The following DCHS2 variants were observed in gnomAD, a reference collection of about 807,000 sequenced individuals.
DCHS2 encodes protocadherin-23.
Under a neutral mutation model 182.4 loss-of-function variants are expected in DCHS2, and 142 were observed. The observed-to-expected ratio is 0.78, with a 90% CI of 0.68 to 0.89. The LOEUF (loss-of-function observed/expected upper bound fraction) is 0.89. Ranked by LOEUF, DCHS2 falls within the 40% of genes least tolerant of loss-of-function variation. The pLI is 0.00. For missense variants in DCHS2, 4,319 were observed against 4,198.6 expected (o/e 1.03, Z -0.79); for synonymous variants, 1,740 against 1,663.3 (o/e 1.05, Z -1.12).
At chr4:154,473,608 G>A (rs747503667) in intron 1 of DCHS2, among the ~76,000 whole-genome samples, 1 of 152,094 alleles carries the variant, frequency 6.6e-6, no homozygotes, top group African/African-American at 2.4e-5. Context: ...TGACCCTTCC[G>A]GGATGAAGAT....
intron 1 of DCHS2, among the ~76,000 whole-genome samples, chr4:154,439,301 T>C (rs1733902019): frequency 6.6e-6 from 1 of 152,148 alleles, no homozygotes; most frequent in South Asian, 2.1e-4. Context: ...TTTTAAGAAA[T>C]TGAAAGCTAC....
At chr4:154,353,660 T>A (rs1182212661) in intron 3 of DCHS2, among the ~76,000 whole-genome samples, 1 of 152,204 alleles carries the variant, frequency 6.6e-6, no homozygotes, top group African/African-American at 2.4e-5. Flanking sequence ...TCCCTTGGAC[T>A]TTTCCAGTGG....
chr4:154,478,545 G>T (rs1374695974), intron 1 of DCHS2, among the ~76,000 whole-genome samples: 1 of 152,138 alleles, frequency 6.6e-6, no homozygotes, highest in Non-Finnish European at 1.5e-5. Flanking sequence ...ACCATGCAGG[G>T]TGGTTAGAGT....
At chr4:154,278,940 T>A (rs947095193) in intron 13 of DCHS2, among the ~76,000 whole-genome samples, 1 of 152,020 alleles carries the variant, frequency 6.6e-6, no homozygotes, top group Non-Finnish European at 1.5e-5. Context: ...CACAAAAAAA[T>A]ATATACAGCA....
At chr4:154,237,265 G>A in intron 19 of DCHS2, 106 bp from the exon 20 acceptor site, 1 of 1,383,872 alleles carries the variant, frequency 7.2e-7, no homozygotes. Context: ...TTAATTCTTT[G>A]TTAGATCTGT....
chr4:154,485,752 A>G (rs1728559642), intron 1 of DCHS2, among the ~76,000 whole-genome samples: 1 of 152,254 alleles, frequency 6.6e-6, no homozygotes, highest in South Asian at 2.1e-4. Flanking sequence ...GGAGTATGAA[A>G]GAATACTCTT....
At position 154,322,402 on chromosome 4, in the gene DCHS2, A is replaced by G; in HGVS notation, c.4105T>C (p.Tyr1369His). ...TILSYDYRPS[Y>H]RMSVIATDQG... The stretch of plus-strand genomic sequence containing the variant: ...TCAGTGGCAATGACACTCATTCTGT[A>G]GGAAGGTCTATAATCATACGAAAGT... Residue 1369 changes from tyrosine to histidine, a missense_variant, in exon 8 of 20, where the codon TAC becomes CAC. Coordinates refer to ENST00000357232, the MANE Select transcript of DCHS2 (RefSeq NM_001358235.2). The G allele has an allele frequency of 6.2e-7, 1 of 1,613,802 alleles. No homozygotes were observed. The highest frequency in any genetic ancestry group is 8.5e-7 in the Non-Finnish European group (1 of 1,179,828).
At chr4:154,374,597 A>G (rs1730800947) in intron 2 of DCHS2, among the ~76,000 whole-genome samples, 1 of 152,204 alleles carries the variant, frequency 6.6e-6, no homozygotes, top group Non-Finnish European at 1.5e-5. Context: ...CTAACCAAAC[A>G]GATCATGAAT....
At chr4:154,291,595 A>T (rs992238487) in intron 13 of DCHS2, among the ~76,000 whole-genome samples, 4 of 152,180 alleles carry the variant, frequency 2.6e-5, no homozygotes, top group African/African-American at 9.7e-5. Flanking sequence ...CATATACACA[A>T]TAGAGTAGCA....
intron 3 of DCHS2, among the ~76,000 whole-genome samples, chr4:154,341,589 T>C (rs1446238070): frequency 2.7e-5 from 2 of 74,694 alleles, no homozygotes; most frequent in African/African-American, 5.8e-5. Flanking sequence ...TACATTCATA[T>C]ATATACACAT....
intron 7 of DCHS2, among the ~76,000 whole-genome samples, chr4:154,326,185 C>T (rs936410035): frequency 2.6e-5 from 4 of 152,158 alleles, no homozygotes; most frequent in East Asian, 1.9e-4. Flanking sequence ...TCTTCGAAGT[C>T]GTCACAACAA....
chr4:154,404,762 G>C (rs961458194), intron 1 of DCHS2, among the ~76,000 whole-genome samples: 1 of 152,186 alleles, frequency 6.6e-6, no homozygotes, highest in Non-Finnish European at 1.5e-5. Context: ...TTATGGTTAT[G>C]AAATATCTTC....
intron 14 of DCHS2, among the ~76,000 whole-genome samples, chr4:154,266,272 A>G (rs1445037249): frequency 1.3e-5 from 2 of 152,158 alleles, no homozygotes; most frequent in Non-Finnish European, 2.9e-5. Context: ...CGATGGTTGG[A>G]TGTCAAGAGC....
intron 10 of DCHS2, among the ~76,000 whole-genome samples, chr4:154,313,979 A>G (rs1735760697): frequency 6.6e-6 from 1 of 152,214 alleles, no homozygotes; most frequent in South Asian, 2.1e-4. Flanking sequence ...GGGCAACTTG[A>G]CAGTAAAAAT....
chr4:154,488,741 A>T (rs1728674485), intron 1 of DCHS2, among the ~76,000 whole-genome samples: 1 of 152,002 alleles, frequency 6.6e-6, no homozygotes, highest in Non-Finnish European at 1.5e-5. Context: ...CATCTCCACT[A>T]AAAAAATACA....
intron 13 of DCHS2, among the ~76,000 whole-genome samples, chr4:154,285,122 C>T (rs1256449147): frequency 2.6e-5 from 4 of 151,968 alleles, no homozygotes; most frequent in Admixed American, 2.0e-4. Flanking sequence ...CTAGACACAC[C>T]CTGGGCCAGA....
At chr4:154,417,370 G>A (rs919426788) in intron 1 of DCHS2, among the ~76,000 whole-genome samples, 1 of 151,970 alleles carries the variant, frequency 6.6e-6, no homozygotes, top group Admixed American at 6.6e-5. Flanking sequence ...GACTTCCTTG[G>A]CCAAATTCAA....
chr4:154,366,569 T>C, intron 2 of DCHS2, 128 bp from the exon 3 acceptor site: 1 of 679,428 alleles, frequency 1.5e-6, no homozygotes, highest in South Asian at 1.8e-5. Flanking sequence ...TGTATATGTA[T>C]ATGTGTGTAT....
chr4:154,233,742 A>C lies in DCHS2; in HGVS notation c.*794T>G, dbSNP rs752401236. 2 of 152,214 alleles carry C rather than the reference A, an allele frequency of 1.3e-5. No individual in the cohort carries two copies. The highest frequency in any genetic ancestry group is 2.9e-5 in the Non-Finnish European group (2 of 68,036). 9.4% of individuals were successfully genotyped at this position (152,214 alleles called of 1,614,324 possible). On this transcript the variant is annotated 3_prime_UTR_variant, in exon 20 of 20. Transcript: ENST00000357232. Reference sequence around the variant, plus strand: ...GAAAAAAAAGCCATTCTGTTTGTAAAGAAGGCCAAGATAATATGTTTCAGG... The same window carrying C: ...GAAAAAAAAGCCATTCTGTTTGTAACGAAGGCCAAGATAATATGTTTCAGG...
Sources: gnomAD v4.1 joint callset for allele counts (sites outside exome capture counted in the v4.1 genomes callset) on GRCh38, gnomAD v4.1.1 for gene constraint, MANE v1.5 for transcripts, NCBI Gene and HGNC (gene_info 2026-07-23, HGNC 2026-07-21) for gene names.